The following HADHA variants were observed in gnomAD, a reference collection of about 807,000 sequenced individuals.
The protein encoded by HADHA is trifunctional enzyme subunit alpha, mitochondrial.
A neutral mutation model predicts 91.3 loss-of-function variants in HADHA; 59 were observed. The observed-to-expected ratio is 0.65, with a 90% CI of 0.52 to 0.80. HADHA has a LOEUF of 0.80. Ranked by LOEUF, HADHA falls within the 30% of genes least tolerant of loss-of-function variation. The probability of loss-of-function intolerance (pLI) is 0.00; values close to 1 mark genes in which losing one functional copy is unlikely to be tolerated. For missense variants in HADHA, 800 were observed against 927.6 expected, an observed-to-expected ratio of 0.86 and a Z score of 1.79; for synonymous variants, 320 against 338.9, an observed-to-expected ratio of 0.94 and a Z score of 0.61.
intron 7 of HADHA, among the ~76,000 whole-genome samples, chr2:26,215,531 A>C (rs771114790): frequency 3.9e-5 from 6 of 152,204 alleles, no homozygotes; most frequent in Non-Finnish European, 2.9e-5. Flanking sequence ...TCATTTGTAA[A>C]GACACTGGGG....
rs768784732 is a variant in HADHA at position 26,191,588 on chromosome 2, A to G, written c.2041T>C (p.Phe681Leu). The change falls in exon 19 of 20, where the codon TTT becomes CTT. Residue 681 changes from phenylalanine (F) to leucine (L), a missense_variant. Phe to Leu is a conservative substitution (Grantham distance 22). Transcript: ENST00000380649. The part of the protein sequence containing the change: ...EDIQFRLVTR[F>L]VNEAVMCLQE... Reference sequence around the variant, plus strand: ...AGGCACATGACTGCCTCATTCACAAATCTTGTCACCAGGCGGAACTGGATG... The same window carrying G: ...AGGCACATGACTGCCTCATTCACAAGTCTTGTCACCAGGCGGAACTGGATG... 4 of 1,614,104 alleles carry G rather than the reference A, an allele frequency of 2.5e-6. No homozygotes were observed. Among genetic ancestry groups the G allele is most frequent in the Non-Finnish European group, 3.4e-6 (4 of 1,179,974 alleles).
intron 7 of HADHA, among the ~76,000 whole-genome samples, chr2:26,224,986 G>A (rs1004705573): frequency 6.6e-6 from 1 of 152,154 alleles, no homozygotes; most frequent in African/African-American, 2.4e-5. Flanking sequence ...TTGGCAAATT[G>A]TTAATAGATG....
intron 4 of HADHA, 47 bp from the exon 5 acceptor site, chr2:26,234,402 A>G: frequency 6.5e-7 from 1 of 1,538,494 alleles, no homozygotes; most frequent in Non-Finnish European, 9.0e-7. Context: ...ATAAAACTAT[A>G]ATTTATTTGG....
intron 4 of HADHA, among the ~76,000 whole-genome samples, chr2:26,234,593 C>T (rs1266745573): frequency 5.3e-5 from 8 of 152,070 alleles, no homozygotes; most frequent in Non-Finnish European, 1.0e-4. Context: ...GGTGAAACCC[C>T]GTCTCTACTA....
At chr2:26,236,357 G>GTATA (rs1363298462) in intron 4 of HADHA, among the ~76,000 whole-genome samples, 2 of 100,294 alleles carry the variant, frequency 2.0e-5, no homozygotes, top group African/African-American at 3.3e-5. Flanking sequence ...GTGTGTGTGT[G>GTATA]TGTATATATA....
intron 9 of HADHA, 96 bp from the exon 10 acceptor site, chr2:26,212,722 G>A: frequency 1.2e-6 from 1 of 837,224 alleles, no homozygotes; most frequent in South Asian, 1.3e-5. Context: ...AGTCCTCAAA[G>A]AGTAAGTCAA....
At position 26,212,719 on chromosome 2, in the gene HADHA, A is replaced by G. The variant is rs1670132539; in HGVS notation, c.919-93T>C. 3.5e-6 allele frequency: 3 copies of G among 846,448 alleles called. No individual in the cohort carries two copies. In the South Asian group the frequency reaches 4.0e-5, roughly 11 times the overall value. The allele number at this position is 846,448 out of a possible 1,614,324, so 52.4% of individuals were successfully genotyped here. A position where few individuals can be genotyped will look rare whatever the true frequency, so the allele number is the denominator to read the frequency against. ...AAAATTGCCAGTGTTGTTAGTCCTC[A>G]AAGAGTAAGTCAAAAGTCTAGACTG... is the stretch of plus-strand genomic sequence containing the variant. On this transcript the variant is annotated intron_variant, in intron 9 of 19. Transcript: ENST00000380649.
rs1003402175 is a variant in HADHA at position 26,214,140 on chromosome 2, G to C, written c.918+303C>G. Among the ~76,000 whole-genome samples the C allele has an allele frequency of 6.6e-6, 1 of 152,212 alleles. No homozygotes were observed. The highest frequency in any genetic ancestry group is 2.4e-5 in the African/African-American group (1 of 41,460). On this transcript the variant is annotated intron_variant, in intron 9 of 19. Transcript: ENST00000380649. The surrounding 1 kb of genome is among the most constrained non-coding windows in gnomAD (Gnocchi z 4.1). ...TTCAACTACTTTTTGGTTAGTGCCT[G>C]ACACTCTAATGGCTTTGTGATACTG...
At chr2:26,235,924 C>T (rs1015515763) in intron 4 of HADHA, among the ~76,000 whole-genome samples, 2 of 152,202 alleles carry the variant, frequency 1.3e-5, no homozygotes, top group Non-Finnish European at 2.9e-5. Context: ...GTAAAGCTGC[C>T]TTTAACAATC....
chr2:26,218,063 TG>T (rs1342991937), intron 7 of HADHA, among the ~76,000 whole-genome samples: 1 of 152,126 alleles, frequency 6.6e-6, no homozygotes, highest in Non-Finnish European at 1.5e-5. Context: ...CCCAGCACTT[TG>T]GGAGTCCGCG....
chr2:26,224,887 T>C (rs1432015303), intron 7 of HADHA, among the ~76,000 whole-genome samples: 1 of 152,150 alleles, frequency 6.6e-6, no homozygotes, highest in African/African-American at 2.4e-5. Context: ...TGATAAACTA[T>C]CAATATCAGG....
intron 14 of HADHA, among the ~76,000 whole-genome samples, chr2:26,197,204 G>C (rs2147755690): frequency 6.6e-6 from 1 of 152,194 alleles, no homozygotes; most frequent in East Asian, 1.9e-4. Flanking sequence ...ATAAATTTCT[G>C]GGCATCATTC....
At chr2:26,219,478 G>A (rs970709064) in intron 7 of HADHA, among the ~76,000 whole-genome samples, 3 of 152,172 alleles carry the variant, frequency 2.0e-5, no homozygotes, top group East Asian at 3.9e-4. Flanking sequence ...AAGGAGCAAA[G>A]AACTGACAGG....
intron 4 of HADHA, 152 bp downstream of exon 4, chr2:26,236,703 C>T: frequency 1.5e-6 from 1 of 655,248 alleles, no homozygotes; most frequent in Non-Finnish European, 2.6e-6. Context: ...GCAAGAACCA[C>T]CACACCCAGC....
chr2:26,200,116 T>C (rs1481508280), intron 13 of HADHA, among the ~76,000 whole-genome samples: 1 of 152,228 alleles, frequency 6.6e-6, no homozygotes, highest in Non-Finnish European at 1.5e-5. Context: ...GTTAGCTCTA[T>C]GGGCAATAAG....
intron 13 of HADHA, among the ~76,000 whole-genome samples, chr2:26,200,627 A>G (rs1437439201): frequency 1.3e-5 from 2 of 152,230 alleles, no homozygotes; most frequent in African/African-American, 4.8e-5. Context: ...CTACATGAAT[A>G]AGGTGAACGC....
At chr2:26,239,820 C>T (rs2147785948) in intron 1 of HADHA, among the ~76,000 whole-genome samples, 1 of 152,100 alleles carries the variant, frequency 6.6e-6, no homozygotes, top group African/African-American at 2.4e-5. Context: ...CAATCCAAGC[C>T]AGCCGACTTA....
chr2:26,231,114 GAAGA>G (rs969549162), intron 6 of HADHA, among the ~76,000 whole-genome samples: 19 of 150,332 alleles, frequency 1.3e-4, no homozygotes, highest in East Asian at 7.8e-4. Flanking sequence ...AAAAAAAAAA[GAAGA>G]AAGAAAGAAA....
chr2:26,214,637 T>C lies in HADHA; in HGVS notation c.800-76A>G. The C allele has an allele frequency of 3.6e-6, 3 of 826,652 alleles. No homozygotes were observed. Among genetic ancestry groups the C allele is most frequent in the South Asian group, 1.4e-5 (1 of 73,844 alleles). The allele number at this position is 826,652 out of a possible 1,614,324, so 51.2% of individuals were successfully genotyped here. A position where few individuals can be genotyped will look rare whatever the true frequency, so the allele number is the denominator to read the frequency against. On this transcript the variant is annotated intron_variant, in intron 8 of 19. Transcript: ENST00000380649. The surrounding 1 kb of genome is among the most constrained non-coding windows in gnomAD (Gnocchi z 4.1). ...TTGTTAGTTTATGCTCTAAACTCTA[T>C]AAAAATGAAGTAATTCTAGCTATCT...
Sources: gnomAD v4.1 joint callset for allele counts (sites outside exome capture counted in the v4.1 genomes callset) on GRCh38, gnomAD v4.1.1 for gene constraint, Gnocchi (gnomAD v3.1) non-coding constraint, MANE v1.5 for transcripts, NCBI Gene and HGNC (gene_info 2026-07-23, HGNC 2026-07-21) for gene names.